Variants in BCL2L13 observed in about 807,000 individuals in gnomAD.
BCL2L13 encodes bcl-2-like protein 13.
Under a neutral mutation model 25.8 loss-of-function variants are expected in BCL2L13, and 13 were observed. The observed-to-expected ratio is 0.50, with a 90% confidence interval of 0.33 to 0.80. The LOEUF is 0.80. Among genes scored for constraint, BCL2L13 ranks in the 30% least tolerant of loss-of-function variants. The probability of loss-of-function intolerance (pLI) is 0.02; values close to 1 mark genes in which losing one functional copy is unlikely to be tolerated. For synonymous variants in BCL2L13, 244 were observed against 230.3 expected (o/e 1.06, Z -0.54); for missense variants, 504 against 574.9 (o/e 0.88, Z 1.26).
rs529038071 is a variant in BCL2L13 at position 17,668,899 on chromosome 22, A to G, written c.121+13067A>G. Among the ~76,000 whole-genome samples the G allele has an allele frequency of 5.3e-5, 8 of 152,258 alleles. No homozygotes were observed. In the South Asian group the frequency reaches 1.7e-3, roughly 32 times the overall value. ...GCTCCCAATGTGGCAGTATTAGGAG[A>G]TGAGGGCTTTTAGAGGTAATTGCAT... is the stretch of plus-strand genomic sequence containing the variant. On this transcript the variant is annotated intron_variant, in intron 2 of 6. Transcript: ENST00000317582.
chr22:17,652,980 G>A (rs895814048), intron 1 of BCL2L13, among the ~76,000 whole-genome samples: 46 of 152,042 alleles, frequency 3.0e-4, no homozygotes, highest in African/African-American at 1.0e-3. Flanking sequence ...CAGGAGAATG[G>A]CGTGAACCCA....
At chr22:17,644,547 G>T (rs1041640700) in intron 1 of BCL2L13, among the ~76,000 whole-genome samples, 101 of 151,056 alleles carry the variant, frequency 6.7e-4, no homozygotes, top group Non-Finnish European at 1.2e-3. Flanking sequence ...GGCCAGGATG[G>T]TCTCAATCTC....
At position 17,729,423 on chromosome 22, in the gene BCL2L13, ATTGT is replaced by A. The variant is rs1200352363; in HGVS notation, c.*1891_*1894del. ...TTCATGGGCTCTGATAGTTGCATTG[ATTGT>A]TCTGTATTCTAATTGCTATATTTGT... On this transcript the variant is annotated 3_prime_UTR_variant, in exon 7 of 7. Transcript: ENST00000317582. 1 of 152,154 alleles carries A rather than the reference ATTGT, an allele frequency of 6.6e-6. No individual in the cohort carries two copies. Among genetic ancestry groups the A allele is most frequent in the Non-Finnish European group, 1.5e-5 (1 of 68,046 alleles). 9.4% of individuals were successfully genotyped at this position (152,154 alleles called of 1,614,324 possible). A position where few individuals can be genotyped will look rare whatever the true frequency, so the allele number is the denominator to read the frequency against.
intron 4 of BCL2L13, among the ~76,000 whole-genome samples, chr22:17,694,461 C>T (rs949887027): frequency 2.6e-5 from 4 of 151,828 alleles, no homozygotes; most frequent in African/African-American, 9.7e-5. Flanking sequence ...ATCAGTTGGG[C>T]CCAAGGAGTT....
At position 17,730,818 on chromosome 22, in the gene BCL2L13, A is replaced by G. The variant is rs899243005; in HGVS notation, c.*3284A>G. On this transcript the variant is annotated 3_prime_UTR_variant, in exon 7 of 7. Transcript: ENST00000317582. ...TCAGCGACATACTGGATACCAGAAT[A>G]ATGTTTCCTCTTCTCTGGTGCACCA... 1 of 152,128 alleles carries G rather than the reference A, an allele frequency of 6.6e-6. No homozygotes were observed. Among genetic ancestry groups the G allele is most frequent in the African/African-American group, 2.4e-5 (1 of 41,432 alleles). The allele number at this position is 152,128 out of a possible 1,614,324, so 9.4% of individuals were successfully genotyped here. A position where few individuals can be genotyped will look rare whatever the true frequency, so the allele number is the denominator to read the frequency against.
rs778173506 is a variant in BCL2L13 at position 17,726,736 on chromosome 22, T to C, written c.660T>C (p.Asp220=). 4.3e-6 allele frequency: 7 copies of C among 1,614,166 alleles called. No homozygotes were observed. The highest frequency in any genetic ancestry group is 1.1e-5 in the South Asian group (1 of 91,082). The change falls in exon 7 of 7, where the codon GAT becomes GAC. Residue 220 remains aspartate, a synonymous_variant. Transcript: ENST00000317582. The stretch of plus-strand genomic sequence containing the variant: ...AATACCCTGGAATCACTGCAGAAGA[T>C]AGCAATGACATTTACATCCTGCCCA... ...EEEYPGITAE[D]SNDIYILPSD... is the part of the protein sequence containing the mutation.
chr22:17,684,887 C>T (rs546745793), intron 3 of BCL2L13, among the ~76,000 whole-genome samples: 17 of 152,216 alleles, frequency 1.1e-4, no homozygotes, highest in Admixed American at 9.8e-4. Flanking sequence ...CGCCTGCCAC[C>T]ACACCCGACT....
chr22:17,676,978 G>C (rs1358621052), intron 2 of BCL2L13, among the ~76,000 whole-genome samples: 1 of 152,098 alleles, frequency 6.6e-6, no homozygotes, highest in African/African-American at 2.4e-5. Context: ...ATTTACTTAG[G>C]CAGAAGTAAG....
Position 17,696,144 on chromosome 22 carries a change from A to T in BCL2L13, c.390A>T (p.Pro130=). The T allele has an allele frequency of 6.2e-7, 1 of 1,613,190 alleles. No individual in the cohort carries two copies. The highest frequency in any genetic ancestry group is 8.5e-7 in the Non-Finnish European group (1 of 1,179,146). ...HKALQMLLSQ[P]VTYQAFRECT... is the part of the protein sequence containing the mutation. ...ACTTTTAAAAAAATCTCTACAGGCC[A>T]GTGACATATCAGGCATTTCGGGAAT... Residue 130 remains proline (P), a synonymous_variant, in exon 5 of 7, where the codon CCA becomes CCT. Transcript: ENST00000317582.
intron 6 of BCL2L13, among the ~76,000 whole-genome samples, chr22:17,715,423 C>T (rs2060920403): frequency 6.6e-6 from 1 of 150,802 alleles, no homozygotes; most frequent in South Asian, 2.1e-4. Flanking sequence ...CTCAAACAAT[C>T]CACCCACCTC....
chr22:17,701,856 G>C (rs912083934), intron 5 of BCL2L13, among the ~76,000 whole-genome samples: 2 of 150,516 alleles, frequency 1.3e-5, no homozygotes, highest in Admixed American at 6.6e-5. Flanking sequence ...CCTGGGAGGC[G>C]GAGGCTGCAG....
intron 1 of BCL2L13, among the ~76,000 whole-genome samples, chr22:17,629,508 C>G (rs1275930558): frequency 6.6e-6 from 1 of 152,088 alleles, no homozygotes; most frequent in Non-Finnish European, 1.5e-5. Context: ...ACAGAAATCC[C>G]CCCAGGCTCA....
In BCL2L13 at chr22:17,659,737, G is replaced by C. The variant is rs981001631; in HGVS notation, c.121+3905G>C. On this transcript the variant is annotated intron_variant, in intron 2 of 6. Transcript: ENST00000317582. ...CAAGCAACAACAAAGTGGATTTCCA[G>C]TCTAGTTCTGAGAAGAGGTGAGCAT... Among the ~76,000 whole-genome samples the C allele has an allele frequency of 6.2e-5, 9 of 144,804 alleles. 1 individual carries two copies. Among genetic ancestry groups the C allele is most frequent in the Admixed American group, 3.4e-4 (5 of 14,516 alleles). 95.0% of individuals were successfully genotyped at this position (144,804 alleles called of 152,430 possible).
chr22:17,688,399 CTGATA>C (rs1294587076), intron 3 of BCL2L13, among the ~76,000 whole-genome samples: 2 of 152,132 alleles, frequency 1.3e-5, no homozygotes, highest in Admixed American at 1.3e-4. Context: ...TGATTAGAAT[CTGATA>C]TAAGTGCCAG....
chr22:17,680,215 C>A lies in BCL2L13; in HGVS notation c.122-2999C>A, dbSNP rs367958373. Among the ~76,000 whole-genome samples, 49 of 67,046 alleles carry A rather than the reference C, an allele frequency of 7.3e-4. 1 individual carries two copies. The highest frequency in any genetic ancestry group is 1.8e-3 in the South Asian group (3 of 1,654). 44.0% of individuals were successfully genotyped at this position (67,046 alleles called of 152,430 possible). ...GGGCAGCAAGGGCGTAACTCTCTCT[C>A]AAAAAAAAAAAAAAGCTGGGCACGG... On this transcript the variant is annotated intron_variant, in intron 2 of 6. Coordinates refer to ENST00000317582, the MANE Select transcript of BCL2L13 (RefSeq NM_015367.4).
At chr22:17,706,259 C>T (rs1211366773) in intron 6 of BCL2L13, among the ~76,000 whole-genome samples, 1 of 152,096 alleles carries the variant, frequency 6.6e-6, no homozygotes, top group African/African-American at 2.4e-5. Context: ...ATCCTCCCCG[C>T]TTGGCCTCCC....
upstream of BCL2L13, among the ~76,000 whole-genome samples, chr22:17,635,934 C>T (rs894895663): frequency 7.3e-5 from 11 of 151,036 alleles, no homozygotes; most frequent in African/African-American, 2.4e-4. Context: ...TGGTCTCCAT[C>T]TCCTGACCTC....
chr22:17,658,715 T>A lies in BCL2L13; in HGVS notation c.121+2883T>A, dbSNP rs5747313. Among the ~76,000 whole-genome samples, 17 of 139,568 alleles carry A rather than the reference T, an allele frequency of 1.2e-4. 2 individuals carry two copies. The highest frequency in any genetic ancestry group is 3.7e-4 in the Admixed American group (5 of 13,436). The allele number at this position is 139,568 out of a possible 152,430, so 91.6% of individuals were successfully genotyped here. ...TGTCACCAAAAAAAAAAAAAAAAAA[T>A]ATTTTCTATTCTTAATTTATAATAA... On this transcript the variant is annotated intron_variant, in intron 2 of 6. Coordinates refer to ENST00000317582, the MANE Select transcript of BCL2L13 (RefSeq NM_015367.4).
chr22:17,683,539 A>G lies in BCL2L13; in HGVS notation c.229+218A>G, dbSNP rs183632327. ...GTTCCCCAACTATACCTAACAGGTT[A>G]GATGTAGCAGTTTCTCATGTTAAGT... On this transcript the variant is annotated intron_variant, in intron 3 of 6. Coordinates refer to ENST00000317582, the MANE Select transcript of BCL2L13 (RefSeq NM_015367.4). 2.6e-3 allele frequency among the ~76,000 whole-genome samples: 393 copies of G among 152,334 alleles called. 2 individuals are homozygous for G. Among genetic ancestry groups the G allele is most frequent in the Middle Eastern group, 0.01 (3 of 294 alleles).
Sources: gnomAD v4.1 joint callset for allele counts (sites outside exome capture counted in the v4.1 genomes callset) on GRCh38, gnomAD v4.1.1 for gene constraint, MANE v1.5 for transcripts, NCBI Gene and HGNC (gene_info 2026-07-23, HGNC 2026-07-21) for gene names.